Variants in EYS observed in about 807,000 individuals in gnomAD.
The protein encoded by EYS is protein eyes shut homolog.
Under a neutral mutation model 282.1 loss-of-function variants are expected in EYS, and 250 were observed. The observed-to-expected ratio is 0.89, with a 90% CI of 0.80 to 0.98. The LOEUF (loss-of-function observed/expected upper bound fraction) is 0.98, where lower values mean the gene tolerates loss of function less well. Among genes scored for constraint, EYS ranks in the 50% least tolerant of loss-of-function variants. The pLI is 0.00. For synonymous variants in EYS, 1,355 were observed against 1,282.9 expected, an observed-to-expected ratio of 1.06 and a Z score of -1.20; for missense variants, 4,016 against 3,709.0, an observed-to-expected ratio of 1.08 and a Z score of -2.15.
chr6:63,942,322 C>A (rs1224537272), intron 35 of EYS, among the ~76,000 whole-genome samples: 2 of 152,062 alleles, frequency 1.3e-5, no homozygotes, highest in Non-Finnish European at 2.9e-5. Context: ...CATGACTTCA[C>A]AAGATTTATG....
At chr6:64,598,954 C>T (rs1055773307) in intron 24 of EYS, among the ~76,000 whole-genome samples, 3 of 151,920 alleles carry the variant, frequency 2.0e-5, no homozygotes, top group Non-Finnish European at 4.4e-5. Flanking sequence ...GTATCAAAGG[C>T]GAAAAGAACA....
chr6:64,609,935 T>C (rs898254023), intron 24 of EYS, among the ~76,000 whole-genome samples: 3 of 150,996 alleles, frequency 2.0e-5, no homozygotes, highest in East Asian at 3.9e-4. Context: ...TAGACAATAA[T>C]ATAGTTATTT....
intron 11 of EYS, among the ~76,000 whole-genome samples, chr6:65,328,129 C>T (rs1769676138): frequency 6.6e-6 from 1 of 151,312 alleles, no homozygotes; most frequent in Non-Finnish European, 1.5e-5. Context: ...GTTTGCTTTG[C>T]CTGAACTGTT....
intron 31 of EYS, among the ~76,000 whole-genome samples, chr6:64,184,844 T>C (rs1392297766): frequency 6.6e-6 from 1 of 152,228 alleles, no homozygotes; most frequent in Non-Finnish European, 1.5e-5. Flanking sequence ...AGTAAGTCTT[T>C]ATTCATGTTC....
At chr6:65,240,301 C>T (rs765543661) in intron 12 of EYS, among the ~76,000 whole-genome samples, 13 of 151,868 alleles carry the variant, frequency 8.6e-5, no homozygotes, top group Non-Finnish European at 1.6e-4. Flanking sequence ...ATTTTAGGTT[C>T]AGGGGGTACA....
intron 5 of EYS, among the ~76,000 whole-genome samples, chr6:65,411,611 G>A (rs537342586): frequency 7.9e-5 from 12 of 151,882 alleles, no homozygotes; most frequent in Admixed American, 2.6e-4. Context: ...ATGCTACCCC[G>A]TTATAATCTT....
chr6:65,172,233 G>T (rs1237145834), intron 12 of EYS, among the ~76,000 whole-genome samples: 1 of 151,386 alleles, frequency 6.6e-6, no homozygotes, highest in African/African-American at 2.4e-5. Context: ...TTTCATAGAA[G>T]GTAAACTGAG....
intron 12 of EYS, among the ~76,000 whole-genome samples, chr6:65,207,618 C>T (rs186518240): frequency 7.9e-5 from 12 of 151,790 alleles, no homozygotes; most frequent in Middle Eastern, 3.4e-3. Context: ...CATTACCTGA[C>T]GATAACACAT....
At chr6:64,148,078 G>C (rs532440313) in intron 31 of EYS, among the ~76,000 whole-genome samples, 1 of 151,974 alleles carries the variant, frequency 6.6e-6, no homozygotes, top group East Asian at 1.9e-4. Context: ...GAATTTTTTT[G>C]TTTATCATAT....
At chr6:65,132,987 C>A (rs1392642575) in intron 12 of EYS, among the ~76,000 whole-genome samples, 1 of 151,688 alleles carries the variant, frequency 6.6e-6, no homozygotes, top group Non-Finnish European at 1.5e-5. Context: ...AATAAAGGAC[C>A]TAGGAGTATA....
At chr6:64,926,751 G>A (rs1369525125) in intron 15 of EYS, among the ~76,000 whole-genome samples, 2 of 152,154 alleles carry the variant, frequency 1.3e-5, no homozygotes, top group Admixed American at 6.5e-5. Context: ...CTAAGTAGGT[G>A]AGGTATACTA....
chr6:63,989,032 T>C (rs994638447), intron 34 of EYS, among the ~76,000 whole-genome samples: 1 of 151,656 alleles, frequency 6.6e-6, no homozygotes, highest in Non-Finnish European at 1.5e-5. Flanking sequence ...CTTTCTGTAA[T>C]GACATCCTGA....
At chr6:63,738,762 A>T (rs1431746851) in intron 41 of EYS, among the ~76,000 whole-genome samples, 2 of 152,168 alleles carry the variant, frequency 1.3e-5, no homozygotes, top group African/African-American at 2.4e-5. Flanking sequence ...ATACAGACAT[A>T]TATACACACA....
At chr6:64,390,733 G>C (rs1365086353) in intron 28 of EYS, among the ~76,000 whole-genome samples, 5 of 150,394 alleles carry the variant, frequency 3.3e-5, no homozygotes, top group Non-Finnish European at 7.4e-5. Flanking sequence ...TCCTCCAAAG[G>C]AACGCAGTTC....
At chr6:64,458,726 T>C (rs1207042328) in intron 26 of EYS, among the ~76,000 whole-genome samples, 1 of 152,148 alleles carries the variant, frequency 6.6e-6, no homozygotes, top group East Asian at 1.9e-4. Context: ...AAAATATTAG[T>C]AAAAACTTAT....
intron 22 of EYS, among the ~76,000 whole-genome samples, chr6:64,672,023 A>G (rs1449324614): frequency 6.6e-6 from 1 of 152,222 alleles, no homozygotes; most frequent in East Asian, 1.9e-4. Flanking sequence ...AGAAATTAAA[A>G]TGAATATGGC....
intron 35 of EYS, among the ~76,000 whole-genome samples, chr6:63,981,494 G>T (rs115734821): frequency 0.023 from 3,444 of 151,886 alleles, 103 homozygotes; most frequent in African/African-American, 0.071. Flanking sequence ...TGTATGCAAC[G>T]GTGTAAGTAG....
At chr6:64,736,884 T>G (rs1025253993) in intron 22 of EYS, among the ~76,000 whole-genome samples, 3 of 152,188 alleles carry the variant, frequency 2.0e-5, no homozygotes, top group African/African-American at 7.2e-5. Context: ...CAATAATTCC[T>G]ACAAAGAAAA....
chr6:64,105,609 T>G (rs1185995867), intron 31 of EYS, among the ~76,000 whole-genome samples: 1 of 152,110 alleles, frequency 6.6e-6, no homozygotes, highest in Non-Finnish European at 1.5e-5. Flanking sequence ...CTCCCTCTCA[T>G]CCCCTGGCAA....
Sources: allele counts gnomAD v4.1 joint callset (sites outside exome capture counted in the v4.1 genomes callset), GRCh38; gene constraint gnomAD v4.1.1; transcripts MANE v1.5; gene names NCBI Gene and HGNC (gene_info 2026-07-23, HGNC 2026-07-21).